CACNA1D: variants seen among roughly 807,000 people sequenced by gnomAD.
CACNA1D encodes the protein voltage-dependent L-type calcium channel subunit alpha-1D.
Under a neutral mutation model 257.1 loss-of-function variants are expected in CACNA1D, and 55 were observed. The observed-to-expected ratio is 0.21, with a 90% CI of 0.17 to 0.27. The LOEUF (loss-of-function observed/expected upper bound fraction) is 0.27, where lower values mean the gene tolerates loss of function less well. Among genes scored for constraint, CACNA1D ranks in the 10% least tolerant of loss-of-function variants. CACNA1D has a pLI of 1.00. For missense variants in CACNA1D, 1,876 were observed against 2,784.0 expected, an observed-to-expected ratio of 0.67 and a Z score of 7.34; for synonymous variants, 980 against 1,014.9, an observed-to-expected ratio of 0.97 and a Z score of 0.65.
intron 21 of CACNA1D, 81 bp from the exon 22 acceptor site, chr3:53,742,930 T>G: frequency 1.2e-6 from 1 of 864,782 alleles, no homozygotes; most frequent in Non-Finnish European, 2.0e-6. Context: ...AGTTATACTT[T>G]CCTCAAGATT....
chr3:53,566,599 C>G (rs2092844468), intron 3 of CACNA1D, among the ~76,000 whole-genome samples: 1 of 152,138 alleles, frequency 6.6e-6, no homozygotes, highest in South Asian at 2.1e-4. Context: ...GGGACTTTGT[C>G]TTTTTAACTG....
chr3:53,508,349 G>A (rs1371104569), intron 3 of CACNA1D, among the ~76,000 whole-genome samples: 1 of 151,892 alleles, frequency 6.6e-6, no homozygotes, highest in Non-Finnish European at 1.5e-5. Flanking sequence ...TTTAGGTTTG[G>A]GGGTACATGT....
chr3:53,517,376 G>T (rs939071556), intron 3 of CACNA1D, among the ~76,000 whole-genome samples: 1 of 152,150 alleles, frequency 6.6e-6, no homozygotes, highest in Non-Finnish European at 1.5e-5. Context: ...AAGGAAGGTG[G>T]TAGAGAGGGA....
intron 3 of CACNA1D, among the ~76,000 whole-genome samples, chr3:53,517,363 C>T (rs190707432): frequency 6.6e-6 from 1 of 152,162 alleles, no homozygotes; most frequent in Non-Finnish European, 1.5e-5. Context: ...GTTGAAGTTG[C>T]AGAAGGAAGG....
intron 3 of CACNA1D, among the ~76,000 whole-genome samples, chr3:53,577,209 G>A (rs1304735693): frequency 6.6e-6 from 1 of 152,094 alleles, no homozygotes; most frequent in African/African-American, 2.4e-5. Context: ...GGTAATAGGT[G>A]GCTTCTCATA....
intron 43 of CACNA1D, among the ~76,000 whole-genome samples, chr3:53,802,836 G>A (rs2095542976): frequency 6.6e-6 from 1 of 152,328 alleles, no homozygotes; most frequent in Admixed American, 6.5e-5. Context: ...TGAGGACTGA[G>A]GCCAGGATGA....
chr3:53,726,197 T>G (rs1316041726), intron 14 of CACNA1D, among the ~76,000 whole-genome samples: 3 of 152,246 alleles, frequency 2.0e-5, no homozygotes, highest in Non-Finnish European at 4.4e-5. Flanking sequence ...ATATCCTTTA[T>G]GTCTGAAAAC....
At chr3:53,680,850 C>G (rs977780535) in intron 8 of CACNA1D, among the ~76,000 whole-genome samples, 1 of 152,120 alleles carries the variant, frequency 6.6e-6, no homozygotes, top group Non-Finnish European at 1.5e-5. Context: ...TATTCTTTTA[C>G]AGGATGGTAA....
intron 8 of CACNA1D, among the ~76,000 whole-genome samples, chr3:53,693,766 A>AT (rs1474208512): frequency 1.3e-5 from 2 of 151,132 alleles, no homozygotes; most frequent in Non-Finnish European, 2.9e-5. Context: ...GTCCCTAGTG[A>AT]TTTTCGTGGC....
rs2094900337 is a variant in CACNA1D at position 53,723,313 on chromosome 3, A to G, written c.1667-121A>G. On this transcript the variant is annotated intron_variant, in intron 12 of 47. Transcript: ENST00000350061. This position sits in a 1 kb window ranked among gnomAD's most constrained non-coding sequence, Gnocchi z 5.6. Reference sequence around the variant, plus strand: ...TTCTGTCCTGAGTGAGGTAGTGAAGAGAGAGACAAGGTATTGGCGTATTTC... The same window carrying G: ...TTCTGTCCTGAGTGAGGTAGTGAAGGGAGAGACAAGGTATTGGCGTATTTC... The G allele has an allele frequency of 1.3e-6, 1 of 775,190 alleles. No individual in the cohort carries two copies. The highest frequency in any genetic ancestry group is 1.9e-5 in the Admixed American group (1 of 54,012). The allele number at this position is 775,190 out of a possible 1,614,324, so 48.0% of individuals were successfully genotyped here.
rs1339323557 is a variant in CACNA1D, at chr3:53,812,994, C to G, written c.*1588C>G. Reference sequence around the variant, plus strand: ...CCCACTTTTGGATAATTAGAACCGTCAAGGCTTCATTTTCTGTCAACAGAA... The same window carrying G: ...CCCACTTTTGGATAATTAGAACCGTGAAGGCTTCATTTTCTGTCAACAGAA... On this transcript the variant is annotated 3_prime_UTR_variant, in exon 48 of 48. Transcript: ENST00000350061. 6.6e-6 allele frequency: 1 copy of G among 152,196 alleles called. No homozygotes were observed. Among genetic ancestry groups the G allele is most frequent in the Non-Finnish European group, 1.5e-5 (1 of 68,052 alleles). 9.4% of individuals were successfully genotyped at this position (152,196 alleles called of 1,614,324 possible). A position where few individuals can be genotyped will look rare whatever the true frequency, so the allele number is the denominator to read the frequency against.
At chr3:53,773,121 C>G (rs2278516) in intron 33 of CACNA1D, among the ~76,000 whole-genome samples, 1 of 152,054 alleles carries the variant, frequency 6.6e-6, no homozygotes, top group Non-Finnish European at 1.5e-5. Context: ...CCAGGAAAAA[C>G]TGCATGTCAT....
intron 28 of CACNA1D, 27 bp from the exon 29 acceptor site, chr3:53,753,545 G>A: frequency 1.4e-6 from 2 of 1,437,754 alleles, no homozygotes; most frequent in Non-Finnish European, 2.0e-6. Context: ...GAGGCTCTGA[G>A]AACGGTCCCT....
chr3:53,497,592 G>T (rs1413409036), intron 2 of CACNA1D, 131 bp downstream of exon 2: 1 of 912,866 alleles, frequency 1.1e-6, no homozygotes, highest in Non-Finnish European at 1.7e-6. Flanking sequence ...TATATAAGGG[G>T]TTTCATTGTA....
chr3:53,737,195 G>C (rs1465940266), intron 20 of CACNA1D, among the ~76,000 whole-genome samples: 1 of 152,076 alleles, frequency 6.6e-6, no homozygotes, highest in African/African-American at 2.4e-5. Context: ...GACTACTCGG[G>C]AGGCTGAGGT....
intron 5 of CACNA1D, among the ~76,000 whole-genome samples, chr3:53,664,802 A>G (rs1434891171): frequency 6.6e-6 from 1 of 152,262 alleles, no homozygotes; most frequent in Non-Finnish European, 1.5e-5. Flanking sequence ...AGACAAAGAC[A>G]AAAGAGTATA....
intron 3 of CACNA1D, 142 bp from the exon 4 acceptor site, chr3:53,650,637 T>C: frequency 1.2e-6 from 1 of 863,878 alleles, no homozygotes; most frequent in Non-Finnish European, 1.9e-6. Context: ...AGTGTAATTG[T>C]TCCATTTCTC....
chr3:53,579,748 T>A (rs1334183794), intron 3 of CACNA1D, among the ~76,000 whole-genome samples: 2 of 152,074 alleles, frequency 1.3e-5, no homozygotes, highest in Non-Finnish European at 2.9e-5. Flanking sequence ...GTGGGCAGAG[T>A]GTGTGGCTCT....
rs191664394 is a variant in CACNA1D, at chr3:53,740,545, G to A, written c.2811+206G>A. 3 of 522,456 alleles carry A rather than the reference G, an allele frequency of 5.7e-6. No homozygotes were observed. In the East Asian group the frequency reaches 9.8e-5, roughly 17 times the overall value. 32.4% of individuals were successfully genotyped at this position (522,456 alleles called of 1,614,324 possible). On this transcript the variant is annotated intron_variant, in intron 21 of 47. Coordinates refer to ENST00000350061, the MANE Select transcript of CACNA1D (RefSeq NM_001128840.3). ...GTGTGACACACAGGAAAGAAGCGTG[G>A]AGTGCTTTTGATTTTTTATGGGTTT...
Sources: allele counts gnomAD v4.1 joint callset (sites outside exome capture counted in the v4.1 genomes callset), GRCh38; gene constraint gnomAD v4.1.1; non-coding constraint Gnocchi (gnomAD v3.1); transcripts MANE v1.5; gene names NCBI Gene and HGNC (gene_info 2026-07-23, HGNC 2026-07-21).